The following ERCC6 variants were observed in gnomAD, a reference collection of about 807,000 sequenced individuals.
ERCC6 encodes the protein ERCC excision repair 6, chromatin remodeling factor.
Under a neutral mutation model 158.7 loss-of-function variants are expected in ERCC6, and 116 were observed. That is an observed-to-expected ratio of 0.73 (90% CI 0.63 to 0.85). ERCC6 has a LOEUF of 0.85. Ranked by LOEUF, ERCC6 falls within the 40% of genes least tolerant of loss-of-function variation. The pLI is 0.00. For missense variants in ERCC6, 1,698 were observed against 1,799.4 expected (o/e 0.94, Z 1.02); for synonymous variants, 678 against 659.3 (o/e 1.03, Z -0.43).
At chr10:49,523,472 T>C (rs1335174161) in intron 5 of ERCC6, among the ~76,000 whole-genome samples, 1 of 152,258 alleles carries the variant, frequency 6.6e-6, no homozygotes, top group Non-Finnish European at 1.5e-5. Context: ...AAAGGTATGC[T>C]GTGCATACAA....
the ERCC6 span, among the ~76,000 whole-genome samples, chr10:49,439,597 CGTTACT>C: frequency 1.9e-4 from 29 of 152,156 alleles, no homozygotes; most frequent in African/African-American, 7.0e-4. Flanking sequence ...TTTGGCTCCT[CGTTACT>C]TTATGCAAAT....
chr10:49,530,140 G>A (rs2132634488), intron 3 of ERCC6, among the ~76,000 whole-genome samples: 2 of 152,192 alleles, frequency 1.3e-5, no homozygotes, highest in South Asian at 4.1e-4. Flanking sequence ...AGGAGACTGA[G>A]GCCAGTGTGA....
intron 18 of ERCC6, among the ~76,000 whole-genome samples, chr10:49,467,891 A>G (rs1850705892): frequency 6.6e-6 from 1 of 152,072 alleles, no homozygotes; most frequent in Non-Finnish European, 1.5e-5. Context: ...TGGGTTCCAG[A>G]CATTGTGAAT....
chr10:49,518,894 C>CA (rs1837066909), intron 5 of ERCC6, among the ~76,000 whole-genome samples: 1 of 152,128 alleles, frequency 6.6e-6, no homozygotes. Context: ...CTTTACATCT[C>CA]AGAGTTACTC....
At chr10:49,508,378 A>G (rs1420431760) in intron 5 of ERCC6, among the ~76,000 whole-genome samples, 1 of 152,122 alleles carries the variant, frequency 6.6e-6, no homozygotes, top group Non-Finnish European at 1.5e-5. Context: ...CTCTGCATCG[A>G]CAAGATTCAG....
intron 7 of ERCC6, among the ~76,000 whole-genome samples, chr10:49,495,134 C>T (rs1403430687): frequency 6.6e-6 from 1 of 152,188 alleles, no homozygotes; most frequent in East Asian, 1.9e-4. Flanking sequence ...GCTTGTATCT[C>T]CACAAGCGGC....
At position 49,483,518 on chromosome 10, in the gene ERCC6, T is replaced by C. The variant is rs1157288312; in HGVS notation, c.1822-2A>G. On this transcript the variant is annotated splice_acceptor_variant, in intron 8 of 20. Coordinates refer to ENST00000355832, the MANE Select transcript of ERCC6 (RefSeq NM_000124.4). LOFTEE classifies it high-confidence loss of function. ...AGCAACATCTCGAATTAGTTTCTCC[T>C]GAGACCACAATAAAATGGTAAAGTC... 1 of 1,613,828 alleles carries C rather than the reference T, an allele frequency of 6.2e-7. No homozygotes were observed. The highest frequency in any genetic ancestry group is 1.3e-5 in the African/African-American group (1 of 74,940).
chr10:49,515,329 C>A, intron 5 of ERCC6: 1 of 1,599,448 alleles, frequency 6.3e-7, no homozygotes. Flanking sequence ...GGTGGTGACA[C>A]CTGCTATTCA....
At position 49,471,064 on chromosome 10, in the gene ERCC6, C is replaced by A; in HGVS notation, c.2981G>T (p.Arg994Leu). 1.2e-6 allele frequency: 2 copies of A among 1,613,912 alleles called. No homozygotes were observed. The highest frequency in any genetic ancestry group is 1.3e-5 in the African/African-American group (1 of 74,994). ...ATAGAGATCATTGGATTTGAAAAAC[C>A]GCCTTTGTTTTGGGTCTTTTAGCAC... is the stretch of plus-strand genomic sequence containing the variant. ...NRVLKDPKQR[R>L]FFKSNDLYEL... is the part of the protein sequence containing the mutation. The change falls in exon 17 of 21, where the codon CGG becomes CTG. Residue 994 changes from arginine to leucine, a missense_variant. Transcript: ENST00000355832.
chr10:49,438,086 T>TTGCAGATCCAACCACAC, the ERCC6 span, among the ~76,000 whole-genome samples: 2 of 152,186 alleles, frequency 1.3e-5, no homozygotes, highest in African/African-American at 2.4e-5. Flanking sequence ...CTGCAGTTGG[T>TTGCAGATCCAACCACAC]TGCAGATCCA....
chr10:49,514,646 G>C (rs548627913), intron 5 of ERCC6, among the ~76,000 whole-genome samples: 64 of 152,282 alleles, frequency 4.2e-4, no homozygotes, highest in African/African-American at 1.5e-3. Flanking sequence ...TTAATACAGA[G>C]TGACATTTCA....
At chr10:49,511,410 G>T (rs184128830) in intron 5 of ERCC6, among the ~76,000 whole-genome samples, 1 of 144,174 alleles carries the variant, frequency 6.9e-6, no homozygotes. Flanking sequence ...TAAGTGTGTT[G>T]TTCATCTTCT....
chr10:49,447,823 A>G, the ERCC6 span, among the ~76,000 whole-genome samples: 1 of 152,154 alleles, frequency 6.6e-6, no homozygotes, highest in East Asian at 1.9e-4. Flanking sequence ...TATAAATGGT[A>G]TCATACAATA....
At chr10:49,521,588 C>T (rs1433012686) in intron 5 of ERCC6, among the ~76,000 whole-genome samples, 1 of 152,092 alleles carries the variant, frequency 6.6e-6, no homozygotes, top group African/African-American at 2.4e-5. Context: ...ACCATAGAAC[C>T]GACAGAACAT....
intron 9 of ERCC6, 82 bp from the exon 10 acceptor site, chr10:49,482,945 ATTAT>A: frequency 7.1e-7 from 1 of 1,410,416 alleles, no homozygotes; most frequent in East Asian, 2.3e-5. Context: ...TCCTCTGCAA[ATTAT>A]TTACACATTT....
At chr10:49,467,587 A>G (rs1850699991) in intron 18 of ERCC6, among the ~76,000 whole-genome samples, 1 of 152,104 alleles carries the variant, frequency 6.6e-6, no homozygotes, top group South Asian at 2.1e-4. Context: ...ATTTTTTGAC[A>G]TGGGGTCTCG....
In ERCC6 at chr10:49,457,472, A is replaced by C. The variant is rs536885571; in HGVS notation, c.*1343T>G. On this transcript the variant is annotated 3_prime_UTR_variant, in exon 21 of 21. Transcript: ENST00000355832. ...AAGCAAAACTCATGTCCTCTCATGC[A>C]GTCCGGCAAGGCCCCCCTGCCCAGA... 1 of 152,354 alleles carries C rather than the reference A, an allele frequency of 6.6e-6. No homozygotes were observed. The highest frequency in any genetic ancestry group is 2.4e-5 in the African/African-American group (1 of 41,572). The allele number at this position is 152,354 out of a possible 1,614,324, so 9.4% of individuals were successfully genotyped here. A position where few individuals can be genotyped will look rare whatever the true frequency, so the allele number is the denominator to read the frequency against.
At chr10:49,495,474 TCTCA>T (rs925760572) in intron 7 of ERCC6, among the ~76,000 whole-genome samples, 1 of 152,048 alleles carries the variant, frequency 6.6e-6, no homozygotes, top group African/African-American at 2.4e-5. Flanking sequence ...ACCCCTTCTA[TCTCA>T]CTAATTCCCA....
chr10:49,527,600 G>A (rs949103790), intron 4 of ERCC6, among the ~76,000 whole-genome samples: 4 of 152,174 alleles, frequency 2.6e-5, no homozygotes, highest in East Asian at 3.8e-4. Context: ...GCTTGAACCC[G>A]GGAGGCAGAG....
Sources: allele counts gnomAD v4.1 joint callset (sites outside exome capture counted in the v4.1 genomes callset), GRCh38; gene constraint gnomAD v4.1.1; transcripts MANE v1.5; gene names NCBI Gene and HGNC (gene_info 2026-07-23, HGNC 2026-07-21).